COL27A1: variants seen among roughly 807,000 people sequenced by gnomAD.
COL27A1 encodes collagen alpha-1(XXVII) chain.
In COL27A1, 106 loss-of-function variants were observed where a neutral mutation model predicts 251.3. The observed-to-expected ratio is 0.42, with a 90% confidence interval of 0.36 to 0.50. The LOEUF is 0.50. Ranked by LOEUF, COL27A1 falls within the 20% of genes least tolerant of loss-of-function variation. COL27A1 has a pLI of 0.00. For synonymous variants in COL27A1, 1,000 were observed against 986.3 expected, an observed-to-expected ratio of 1.01 and a Z score of -0.26; for missense variants, 2,325 against 2,522.8, an observed-to-expected ratio of 0.92 and a Z score of 1.68.
At chr9:114,260,986 C>A (rs994464522) in intron 28 of COL27A1, among the ~76,000 whole-genome samples, 1 of 152,320 alleles carries the variant, frequency 6.6e-6, no homozygotes, top group Admixed American at 6.5e-5. Flanking sequence ...CAGGCTCTTC[C>A]TCTTGGATCT....
rs1849013638 is a variant in COL27A1, at chr9:114,167,949, C to G, written c.394C>G (p.Pro132Ala). The G allele has an allele frequency of 6.2e-7, 1 of 1,609,106 alleles. No homozygotes were observed. Among genetic ancestry groups the G allele is most frequent in the Non-Finnish European group, 8.5e-7 (1 of 1,179,864 alleles). The change falls in exon 3 of 61, where the codon CCC becomes GCC. Residue 132 changes from proline to alanine, a missense_variant. Pro to Ala is a conservative substitution (Grantham distance 27). Transcript: ENST00000356083. The part of the protein sequence containing the change: ...RKLQLGLQFL[P>A]GKTVVHLGSR... Reference sequence around the variant, plus strand: ...GCTGCAGCTGGGCCTGCAGTTCCTCCCCGGCAAGACGGTCGTCCACCTCGG... The same window carrying G: ...GCTGCAGCTGGGCCTGCAGTTCCTCGCCGGCAAGACGGTCGTCCACCTCGG...
At chr9:114,207,278 G>T (rs1830033136) in intron 10 of COL27A1, among the ~76,000 whole-genome samples, 1 of 152,226 alleles carries the variant, frequency 6.6e-6, no homozygotes, top group Admixed American at 6.5e-5. Flanking sequence ...ACTGGTGGCT[G>T]TTAGGAGAGT....
intron 2 of COL27A1, among the ~76,000 whole-genome samples, chr9:114,164,845 G>A (rs1819174288): frequency 6.6e-6 from 1 of 152,224 alleles, no homozygotes; most frequent in Non-Finnish European, 1.5e-5. Context: ...GAGAAAGGAT[G>A]GGAAAGAGGA....
At position 114,290,973 on chromosome 9, in the gene COL27A1, ACTC is replaced by A; in HGVS notation, c.4476+57_4476+59del. On this transcript the variant is annotated intron_variant, in intron 48 of 60. Transcript: ENST00000356083. This position sits in a 1 kb window ranked among gnomAD's most constrained non-coding sequence, Gnocchi z 4.6. ...CTCTGCCCTTTCTGCCTTGATGCAG[ACTC>A]TAGTGGTTCCGACCCTTTGGGCACC... The A allele has an allele frequency of 7.4e-7, 1 of 1,344,112 alleles. No individual in the cohort carries two copies. Among genetic ancestry groups the A allele is most frequent in the Non-Finnish European group, 1.0e-6 (1 of 972,330 alleles). The allele number at this position is 1,344,112 out of a possible 1,614,324, so 83.3% of individuals were successfully genotyped here.
In COL27A1 at chr9:114,209,656, C is replaced by G. The variant is rs374673239; in HGVS notation, c.2269-19C>G. On this transcript the variant is annotated intron_variant, in intron 10 of 60. Coordinates refer to ENST00000356083, the MANE Select transcript of COL27A1 (RefSeq NM_032888.4). ...CCTCACTGCTTGACCGCTCTGACCC[C>G]CTTTCTTCTCTTTCCTAGGGCTACA... The G allele has an allele frequency of 2.5e-6, 4 of 1,613,874 alleles. No homozygotes were observed. Among genetic ancestry groups the G allele is most frequent in the Non-Finnish European group, 3.4e-6 (4 of 1,179,844 alleles).
chr9:114,244,250 C>T (rs1178650845), intron 23 of COL27A1, among the ~76,000 whole-genome samples: 6 of 152,116 alleles, frequency 3.9e-5, no homozygotes, highest in Admixed American at 1.3e-4. Context: ...TTTCTTTACG[C>T]ACAGAGCAGA....
chr9:114,239,503 A>G (rs1832613714), intron 19 of COL27A1, among the ~76,000 whole-genome samples: 1 of 152,228 alleles, frequency 6.6e-6, no homozygotes, highest in African/African-American at 2.4e-5. Flanking sequence ...GGAACTGCGT[A>G]ACAGGTCTCC....
At chr9:114,155,423 G>C (rs190524314), upstream of COL27A1, 2 of 152,330 alleles carry the variant, frequency 1.3e-5, no homozygotes, top group African/African-American at 4.8e-5. This position sits in a 1 kb window ranked among gnomAD's most constrained non-coding sequence, Gnocchi z 5.5. Context: ...CCTTGGCTCC[G>C]GCCGGCAGGG....
chr9:114,202,560 C>T (rs1829652203), intron 7 of COL27A1, among the ~76,000 whole-genome samples: 1 of 152,168 alleles, frequency 6.6e-6, no homozygotes, highest in African/African-American at 2.4e-5. Flanking sequence ...GCGCTACCTC[C>T]CTGCTCGAAG....
intron 19 of COL27A1, among the ~76,000 whole-genome samples, chr9:114,239,665 A>C (rs1003342477): frequency 2.6e-5 from 4 of 152,218 alleles, no homozygotes; most frequent in Admixed American, 2.6e-4. Flanking sequence ...AATGGCCCTC[A>C]CTGGGAAGCA....
At chr9:114,289,509 G>C (rs946576299) in intron 45 of COL27A1, among the ~76,000 whole-genome samples, 1 of 152,156 alleles carries the variant, frequency 6.6e-6, no homozygotes, top group African/African-American at 2.4e-5. Context: ...CATTTCACTG[G>C]GGCTCCAGGA....
intron 21 of COL27A1, among the ~76,000 whole-genome samples, chr9:114,241,243 C>T (rs750888393): frequency 3.9e-5 from 6 of 152,244 alleles, no homozygotes; most frequent in African/African-American, 4.8e-5. Context: ...TTAGCTCAGG[C>T]GCCAGGCCCC....
chr9:114,291,618 A>G (rs1827923463), intron 48 of COL27A1, among the ~76,000 whole-genome samples: 1 of 152,188 alleles, frequency 6.6e-6, no homozygotes, highest in South Asian at 2.1e-4. Context: ...GCATGGTGGC[A>G]GGCACCTGTA....
intron 23 of COL27A1, among the ~76,000 whole-genome samples, chr9:114,245,148 GT>G (rs779029948): frequency 0.039 from 3,964 of 101,226 alleles, 231 homozygotes; most frequent in African/African-American, 0.14. Context: ...GTGCATTCTT[GT>G]TTTTTTTTTT....
At chr9:114,302,774 G>A (rs960667474) in intron 56 of COL27A1, among the ~76,000 whole-genome samples, 3 of 150,142 alleles carry the variant, frequency 2.0e-5, no homozygotes, top group African/African-American at 7.3e-5. Context: ...GCAGATTGGG[G>A]CCCCTGCATT....
chr9:114,252,830 G>A, intron 26 of COL27A1, 49 bp from the exon 27 acceptor site: 1 of 1,587,020 alleles, frequency 6.3e-7, no homozygotes, highest in Non-Finnish European at 8.7e-7. Flanking sequence ...GGGACTGAAG[G>A]AGGAAGCTTC....
chr9:114,203,799 C>G (rs1301865161), intron 7 of COL27A1, among the ~76,000 whole-genome samples: 1 of 152,058 alleles, frequency 6.6e-6, no homozygotes, highest in African/African-American at 2.4e-5. Flanking sequence ...CTGTACATGT[C>G]TGGAGATGTT....
At chr9:114,302,007 C>G in intron 55 of COL27A1, 75 bp from the exon 56 acceptor site, 5 of 1,410,040 alleles carry the variant, frequency 3.5e-6, no homozygotes, top group Non-Finnish European at 5.0e-6. Context: ...GATGGTCTCC[C>G]TGGTCTCCTG....
chr9:114,281,903 A>C (rs1186477709), intron 37 of COL27A1, among the ~76,000 whole-genome samples: 1 of 152,138 alleles, frequency 6.6e-6, no homozygotes, highest in East Asian at 1.9e-4. Flanking sequence ...TTGGCGCTGG[A>C]GAGAGCTCAG....
Sources: gnomAD v4.1 joint callset for allele counts (sites outside exome capture counted in the v4.1 genomes callset) on GRCh38, gnomAD v4.1.1 for gene constraint, Gnocchi (gnomAD v3.1) non-coding constraint, MANE v1.5 for transcripts, NCBI Gene and HGNC (gene_info 2026-07-23, HGNC 2026-07-21) for gene names.